ADCK1: variants seen among roughly 807,000 people sequenced by gnomAD.
ADCK1 encodes the protein aarF domain-containing protein kinase 1.
A neutral mutation model predicts 52.3 loss-of-function variants in ADCK1; 41 were observed. The observed-to-expected ratio is 0.78, with a 90% CI of 0.61 to 1.02. The LOEUF (loss-of-function observed/expected upper bound fraction) is 1.02. Ranked by LOEUF, ADCK1 falls within the 50% of genes least tolerant of loss-of-function variation. The probability of loss-of-function intolerance (pLI) is 0.00; values close to 1 mark genes in which losing one functional copy is unlikely to be tolerated. For missense variants in ADCK1, 658 were observed against 679.5 expected (o/e 0.97, Z 0.35); for synonymous variants, 250 against 274.6 (o/e 0.91, Z 0.89).
chr14:77,864,493 G>A (rs1187463197), intron 4 of ADCK1, among the ~76,000 whole-genome samples: 1 of 152,162 alleles, frequency 6.6e-6, no homozygotes, highest in Non-Finnish European at 1.5e-5. Context: ...GTTGTCCCAT[G>A]GAGAACTTGA....
At chr14:77,812,457 A>G (rs1278333938) in intron 1 of ADCK1, among the ~76,000 whole-genome samples, 1 of 152,104 alleles carries the variant, frequency 6.6e-6, no homozygotes, top group Non-Finnish European at 1.5e-5. Context: ...CACCAATGGC[A>G]GGCTTCCTTC....
chr14:77,889,538 A>T (rs1045517929), intron 5 of ADCK1, among the ~76,000 whole-genome samples: 1 of 152,204 alleles, frequency 6.6e-6, no homozygotes, highest in Admixed American at 6.5e-5. Flanking sequence ...GGAGCTGCAG[A>T]TGCTGTTTGA....
At chr14:77,910,984 A>G (rs1218581392) in intron 7 of ADCK1, among the ~76,000 whole-genome samples, 1 of 146,896 alleles carries the variant, frequency 6.8e-6, no homozygotes, top group Non-Finnish European at 1.5e-5. Context: ...AGGCAGGCCT[A>G]GGGGAGAGTG....
At chr14:77,828,030 G>C (rs1436640552) in intron 3 of ADCK1, 1 of 248,740 alleles carries the variant, frequency 4.0e-6, no homozygotes, top group African/African-American at 2.4e-5. Flanking sequence ...GGGTTTTACT[G>C]TATTAGCCAG....
At chr14:77,874,608 G>C (rs1174037487) in intron 4 of ADCK1, among the ~76,000 whole-genome samples, 2 of 152,158 alleles carry the variant, frequency 1.3e-5, no homozygotes, top group East Asian at 3.9e-4. Flanking sequence ...AGGGGCTACT[G>C]TATGTGGACT....
chr14:77,862,449 AT>A (rs2082571715), intron 4 of ADCK1, among the ~76,000 whole-genome samples: 1 of 151,958 alleles, frequency 6.6e-6, no homozygotes, highest in Non-Finnish European at 1.5e-5. Context: ...TTGTGGGGGG[AT>A]CCCTGACCAG....
intron 4 of ADCK1, among the ~76,000 whole-genome samples, chr14:77,876,006 C>T (rs189912192): frequency 5.3e-5 from 8 of 152,226 alleles, no homozygotes; most frequent in Non-Finnish European, 7.4e-5. Flanking sequence ...CCACTGAGAG[C>T]GTAACACTAG....
chr14:77,917,960 T>G (rs1274125913), intron 7 of ADCK1, among the ~76,000 whole-genome samples: 1 of 152,206 alleles, frequency 6.6e-6, no homozygotes, highest in Non-Finnish European at 1.5e-5. Flanking sequence ...CTGGAGCCAG[T>G]GCTCCTAGGT....
intron 3 of ADCK1, among the ~76,000 whole-genome samples, chr14:77,852,660 A>AATAAATATATATATAT (rs1372819667): frequency 1.9e-4 from 6 of 31,730 alleles, no homozygotes; most frequent in African/African-American, 6.8e-4. Context: ...TAAATAAATA[A>AATAAATATATATATAT]ATATATATAT....
intron 1 of ADCK1, among the ~76,000 whole-genome samples, chr14:77,818,602 G>A (rs886709808): frequency 4.6e-5 from 7 of 152,076 alleles, no homozygotes; most frequent in Admixed American, 6.6e-5. Context: ...TTTCTTGTCA[G>A]CATTTATACC....
intron 4 of ADCK1, among the ~76,000 whole-genome samples, chr14:77,869,206 A>G (rs1370305346): frequency 6.6e-6 from 1 of 152,150 alleles, no homozygotes; most frequent in Non-Finnish European, 1.5e-5. Context: ...CTTAAACAAC[A>G]AATGTATTGT....
chr14:77,802,809 C>T (rs1423021228), intron 1 of ADCK1, among the ~76,000 whole-genome samples: 3 of 152,012 alleles, frequency 2.0e-5, no homozygotes, highest in Non-Finnish European at 4.4e-5. Context: ...AAAAAATTAG[C>T]TGGGCGTGGT....
chr14:77,905,885 C>A (rs887195169), intron 6 of ADCK1, among the ~76,000 whole-genome samples: 7 of 152,092 alleles, frequency 4.6e-5, no homozygotes, highest in Admixed American at 2.6e-4. Context: ...TGAAAAATGC[C>A]AAGCAAGTCT....
intron 3 of ADCK1, among the ~76,000 whole-genome samples, chr14:77,858,265 T>A (rs2082464847): frequency 6.6e-6 from 1 of 152,116 alleles, no homozygotes; most frequent in Non-Finnish European, 1.5e-5. Context: ...TGAGACAGAG[T>A]CTCGCTCTGT....
Position 77,925,906 on chromosome 14 carries a change from G to A in ADCK1, c.1151G>A (p.Arg384Gln), listed in dbSNP as rs770999611. Reference sequence around the variant, plus strand: ...TTGTTTGCCTGCATGCTGACGGCGCGATCGTGGGACTCGGTCAACAGAGGC... The same window carrying A: ...TTGTTTGCCTGCATGCTGACGGCGCAATCGTGGGACTCGGTCAACAGAGGC... ...YPLFACMLTA[R>Q]SWDSVNRGIS... Residue 384 changes from arginine (R) to glutamine (Q), a missense_variant, in exon 9 of 11, where the codon CGA (arginine) becomes CAA (glutamine). By Grantham distance (43) the Arg-to-Gln change is conservative. Coordinates refer to ENST00000238561, the MANE Select transcript of ADCK1 (RefSeq NM_020421.4). 17 of 1,614,206 alleles carry A rather than the reference G, an allele frequency of 1.1e-5. No homozygotes were observed. Among genetic ancestry groups the A allele is most frequent in the East Asian group, 6.7e-5 (3 of 44,870 alleles).
At chr14:77,859,430 GT>G (rs1352582059) in intron 4 of ADCK1, 151 bp downstream of exon 4, 2 of 766,032 alleles carry the variant, frequency 2.6e-6, no homozygotes, top group Non-Finnish European at 2.0e-6. Flanking sequence ...AATCAAAGAG[GT>G]TAGAAGGAAT....
Position 77,907,865 on chromosome 14 carries a change from C to T in ADCK1, c.804C>T (p.Gly268=), listed in dbSNP as rs145193842. The change falls in exon 7 of 11, where the codon GGC becomes GGT. Residue 268 remains glycine (G), a synonymous_variant. Transcript: ENST00000238561. The part of the protein sequence containing the change: ...ERVLLMEFVD[G]GQVNDRDYME... ...TCCTCCTGATGGAGTTTGTGGATGG[C>T]GGGCAGGTCAATGACAGAGACTACA... 3.3e-5 allele frequency: 53 copies of T among 1,613,962 alleles called. No homozygotes were observed. The African/African-American group carries it at 3.3e-4, about 10-fold the overall frequency.
At chr14:77,932,740 C>T (rs1371846315) in intron 10 of ADCK1, among the ~76,000 whole-genome samples, 1 of 152,252 alleles carries the variant, frequency 6.6e-6, no homozygotes, top group Non-Finnish European at 1.5e-5. Context: ...TCATAAACAC[C>T]AGTTTTCATC....
At chr14:77,898,964 C>T (rs970533474) in intron 5 of ADCK1, 136 bp from the exon 6 acceptor site, 1 of 1,202,770 alleles carries the variant, frequency 8.3e-7, no homozygotes, top group African/African-American at 1.5e-5. Flanking sequence ...CTATGTTTCC[C>T]TCCTGGAATT....
Sources: gnomAD v4.1 joint callset for allele counts (sites outside exome capture counted in the v4.1 genomes callset) on GRCh38, gnomAD v4.1.1 for gene constraint, MANE v1.5 for transcripts, NCBI Gene and HGNC (gene_info 2026-07-23, HGNC 2026-07-21) for gene names.